Variants in ADAMTSL1 observed in about 807,000 individuals in gnomAD.
ADAMTSL1 encodes ADAMTS like 1.
A neutral mutation model predicts 201.8 loss-of-function variants in ADAMTSL1; 126 were observed. The observed-to-expected ratio is 0.62, with a 90% CI of 0.54 to 0.72. The LOEUF is 0.72. Among genes scored for constraint, ADAMTSL1 ranks in the 30% least tolerant of loss-of-function variants. ADAMTSL1 has a pLI of 0.00. For synonymous variants in ADAMTSL1, 1,121 were observed against 903.4 expected (o/e 1.24, Z -4.32); for missense variants, 2,679 against 2,277.8 (o/e 1.18, Z -3.59).
In ADAMTSL1 at chr9:18,298,789, C is replaced by T. The variant is rs190327694; in HGVS notation, c.207+134808C>T. ...TTGTAATCCCAGCACTTTGGGAGGC[C>T]GCAGCGGGCGGATCACGAGGTCAGG... On this transcript the variant is annotated intron_variant, in intron 2 of 29. Transcript: ENST00000680146. Among the ~76,000 whole-genome samples, 170 of 151,796 alleles carry T rather than the reference C, an allele frequency of 1.1e-3. 1 individual carries two copies. Among genetic ancestry groups the T allele is most frequent in the African/African-American group, 3.9e-3 (160 of 41,430 alleles).
intron 2 of ADAMTSL1, among the ~76,000 whole-genome samples, chr9:18,312,107 G>A (rs1306603747): frequency 1.3e-5 from 2 of 152,206 alleles, no homozygotes; most frequent in African/African-American, 4.8e-5. Flanking sequence ...ATAAAATAGG[G>A]GAAGTGGTGA....
rs111912193 is a variant in ADAMTSL1, at chr9:18,719,214, A to G, written c.1877-2322A>G. On this transcript the variant is annotated intron_variant, in intron 14 of 28. Coordinates refer to ENST00000380548, the MANE Select transcript of ADAMTSL1 (RefSeq NM_001040272.6). ...ATTTGAATGTCTAATAGAAATCTCAAATGCTCCACCCTGAACTGGCCATGA... is the reference window on the plus strand; with the variant it reads ...ATTTGAATGTCTAATAGAAATCTCAGATGCTCCACCCTGAACTGGCCATGA... Among the ~76,000 whole-genome samples the G allele has an allele frequency of 1.1e-3, 170 of 152,318 alleles. 1 individual carries two copies. Among genetic ancestry groups the G allele is most frequent in the African/African-American group, 3.8e-3 (158 of 41,572 alleles).
chr9:18,150,519 T>C (rs760092365), intron 1 of ADAMTSL1, among the ~76,000 whole-genome samples: 29 of 152,054 alleles, frequency 1.9e-4, no homozygotes, highest in Non-Finnish European at 3.7e-4. Context: ...TGTGGAGTCA[T>C]GAAGTATAGT....
At chr9:17,939,788 A>G (rs917675004) in intron 1 of ADAMTSL1, among the ~76,000 whole-genome samples, 1 of 152,206 alleles carries the variant, frequency 6.6e-6, no homozygotes, top group African/African-American at 2.4e-5. Context: ...TGCAAAGTAC[A>G]TAATCTGAGG....
intron 20 of ADAMTSL1, among the ~76,000 whole-genome samples, chr9:18,799,372 AT>A (rs1003343198): frequency 6.6e-6 from 1 of 152,236 alleles, no homozygotes; most frequent in African/African-American, 2.4e-5. Flanking sequence ...GCACTCAGCC[AT>A]CTTGCTCAGA....
In ADAMTSL1 at chr9:18,324,593, C is replaced by T. The variant is rs147047810; in HGVS notation, c.207+160612C>T. On this transcript the variant is annotated intron_variant, in intron 2 of 29. Coordinates refer to the ADAMTSL1 transcript ENST00000680146. Reference sequence around the variant, plus strand: ...CAGCCTGACCAACACGGTGAAATCTCGTCTCTACTAAAAATACAAAATTAG... The same window carrying T: ...CAGCCTGACCAACACGGTGAAATCTTGTCTCTACTAAAAATACAAAATTAG... Among the ~76,000 whole-genome samples, 19 of 151,846 alleles carry T rather than the reference C, an allele frequency of 1.3e-4. No individual in the cohort carries two copies. The East Asian group carries it at 2.3e-3, about 19-fold the overall frequency.
chr9:18,291,739 T>A lies in ADAMTSL1; in HGVS notation c.207+127758T>A, dbSNP rs1179718290. Reference sequence around the variant, plus strand: ...CTTTCTCTCTCTCTCTCTCTCTCTCTCTCTCTCTCACACACACACACACAC... The same window carrying A: ...CTTTCTCTCTCTCTCTCTCTCTCTCACTCTCTCTCACACACACACACACAC... On this transcript the variant is annotated intron_variant, in intron 2 of 29. Transcript: ENST00000680146. Among the ~76,000 whole-genome samples the A allele has an allele frequency of 2.9e-3, 362 of 123,562 alleles. 2 individuals are homozygous for A. The highest frequency in any genetic ancestry group is 0.011 in the African/African-American group (343 of 32,622). The allele number at this position is 123,562 out of a possible 152,430, so 81.1% of individuals were successfully genotyped here.
intron 1 of ADAMTSL1, among the ~76,000 whole-genome samples, chr9:17,913,995 C>A (rs570872025): frequency 6.6e-6 from 1 of 152,138 alleles, no homozygotes; most frequent in African/African-American, 2.4e-5. Flanking sequence ...TCTGAATAGA[C>A]GAATAACAGG....
At chr9:18,905,573 T>C (rs1213417364) in intron 26 of ADAMTSL1, 1 of 550,830 alleles carries the variant, frequency 1.8e-6, no homozygotes. Flanking sequence ...GCTGGCAGAA[T>C]GCCCACAGAC....
At chr9:18,552,198 A>G (rs1294186287) in intron 3 of ADAMTSL1, among the ~76,000 whole-genome samples, 1 of 151,782 alleles carries the variant, frequency 6.6e-6, no homozygotes, top group African/African-American at 2.4e-5. Flanking sequence ...TTGGTGTTTT[A>G]CATTTCAGAC....
chr9:18,595,710 G>A (rs1157896532), intron 4 of ADAMTSL1, among the ~76,000 whole-genome samples: 1 of 152,242 alleles, frequency 6.6e-6, no homozygotes, highest in Non-Finnish European at 1.5e-5. Context: ...GCAAGCTGAT[G>A]AGCCTTTCTA....
chr9:18,217,841 C>T (rs1325193274), intron 2 of ADAMTSL1, among the ~76,000 whole-genome samples: 9 of 151,794 alleles, frequency 5.9e-5, no homozygotes, highest in Non-Finnish European at 1.3e-4. Context: ...TTGATTTGGG[C>T]AGAGGAAAGT....
At chr9:18,531,661 A>C (rs1819454880) in intron 2 of ADAMTSL1, among the ~76,000 whole-genome samples, 1 of 152,228 alleles carries the variant, frequency 6.6e-6, no homozygotes, top group African/African-American at 2.4e-5. Context: ...CCTAATACAA[A>C]TGCTATATGC....
chr9:18,744,883 ATG>A (rs1436917595), intron 15 of ADAMTSL1, among the ~76,000 whole-genome samples: 1 of 152,126 alleles, frequency 6.6e-6, no homozygotes, highest in Non-Finnish European at 1.5e-5. Flanking sequence ...ACGTCTCTCC[ATG>A]TGTGTTTGCT....
At chr9:18,710,199 C>T (rs1832477359) in intron 14 of ADAMTSL1, among the ~76,000 whole-genome samples, 1 of 152,206 alleles carries the variant, frequency 6.6e-6, no homozygotes, top group African/African-American at 2.4e-5. Context: ...CCCATTCCCA[C>T]CTCCCCTCAG....
At chr9:18,738,287 G>C (rs538042277) in intron 15 of ADAMTSL1, among the ~76,000 whole-genome samples, 1 of 152,276 alleles carries the variant, frequency 6.6e-6, no homozygotes, top group African/African-American at 2.4e-5. Flanking sequence ...AATTGAGTAT[G>C]ATAATGCAGT....
intron 23 of ADAMTSL1, 21 bp from the exon 24 acceptor site, chr9:18,887,810 C>T (rs1828993791): frequency 2.5e-6 from 4 of 1,604,720 alleles, no homozygotes; most frequent in East Asian, 2.2e-5. Context: ...CTAAGGCTTA[C>T]TTCTTTTCCT....
intron 2 of ADAMTSL1, among the ~76,000 whole-genome samples, chr9:18,309,653 A>C (rs1225678761): frequency 1.3e-5 from 2 of 152,114 alleles, no homozygotes; most frequent in African/African-American, 2.4e-5. Flanking sequence ...CTCACCAAGA[A>C]CTAAAAACCA....
chr9:18,335,398 AT>A, intron 2 of ADAMTSL1, among the ~76,000 whole-genome samples: 1 of 152,112 alleles, frequency 6.6e-6, no homozygotes, highest in Non-Finnish European at 1.5e-5. Flanking sequence ...CTGGTTCTAT[AT>A]TTACCAACAA....
Sources: gnomAD v4.1 joint callset for allele counts (sites outside exome capture counted in the v4.1 genomes callset) on GRCh38, gnomAD v4.1.1 for gene constraint, MANE v1.5 for transcripts, NCBI Gene and HGNC (gene_info 2026-07-23, HGNC 2026-07-21) for gene names.